The following RASA3 variants were observed in gnomAD, a reference collection of about 807,000 sequenced individuals.
RASA3 encodes the protein ras GTPase-activating protein 3.
RASA3 carries 73 observed loss-of-function variants against 110.0 expected under a neutral mutation model. The ratio of observed to expected loss-of-function variants is 0.66; its 90% CI spans 0.55 to 0.81. The LOEUF (loss-of-function observed/expected upper bound fraction) is 0.81, where lower values mean the gene tolerates loss of function less well. RASA3 is among the 30% of genes least tolerant of loss of function. The probability of loss-of-function intolerance (pLI) is 0.00; values close to 1 mark genes in which losing one functional copy is unlikely to be tolerated. For synonymous variants in RASA3, 500 were observed against 451.4 expected (o/e 1.11, Z -1.37); for missense variants, 976 against 1,113.2 (o/e 0.88, Z 1.75).
At chr13:114,132,083 G>A (rs2080527878) in intron 1 of RASA3, among the ~76,000 whole-genome samples, 1 of 152,222 alleles carries the variant, frequency 6.6e-6, no homozygotes, top group Non-Finnish European at 1.5e-5. Flanking sequence ...TCAGGCGCGC[G>A]CACTCCTGCA....
In RASA3 at chr13:114,015,321, C is replaced by T; in HGVS notation, c.1293G>A (p.Arg431=). 6.2e-7 allele frequency: 1 copy of T among 1,612,922 alleles called. No homozygotes were observed. The highest frequency in any genetic ancestry group is 1.1e-5 in the South Asian group (1 of 91,082). ...CGTGGAAGACGCGGTCCACATACTG[C>T]CGTAGGTTCTCCTGCAACGGGACAC... ...ENLENNMENL[R]QYVDRVFHAI... Residue 431 remains arginine, a synonymous_variant, in exon 14 of 24, where the codon CGG becomes CGA. Transcript: ENST00000334062.
At chr13:114,118,068 G>A (rs2080320048) in intron 1 of RASA3, among the ~76,000 whole-genome samples, 1 of 152,078 alleles carries the variant, frequency 6.6e-6, no homozygotes, top group Non-Finnish European at 1.5e-5. Context: ...TAATCTTCCC[G>A]AGCACAATAG....
chr13:114,001,008 C>A (rs550119187), intron 18 of RASA3, 76 bp from the exon 19 acceptor site: 2 of 925,802 alleles, frequency 2.2e-6, no homozygotes, highest in Non-Finnish European at 3.6e-6. Context: ...ACACCCCCCA[C>A]TTTCTGCGTT....
intron 3 of RASA3, among the ~76,000 whole-genome samples, chr13:114,051,737 C>G (rs576996011): frequency 2.4e-4 from 36 of 152,284 alleles, no homozygotes; most frequent in African/African-American, 8.2e-4. Context: ...AAGGTCCCCC[C>G]ACAGATGCCC....
rs1032870074 is a variant in RASA3, at chr13:114,048,053, C to G, written c.277+3999G>C. Reference sequence around the variant, plus strand: ...GGTCTCGGCCGGGCGCGGTGGCTCACGCCTGTAATCCCAGCACTTTGGGAG... The same window carrying G: ...GGTCTCGGCCGGGCGCGGTGGCTCAGGCCTGTAATCCCAGCACTTTGGGAG... On this transcript the variant is annotated intron_variant, in intron 3 of 23. Transcript: ENST00000334062. The surrounding 1 kb of genome is among the most constrained non-coding windows in gnomAD (Gnocchi z 4.3). Among the ~76,000 whole-genome samples, 2 of 152,188 alleles carry G rather than the reference C, an allele frequency of 1.3e-5. No homozygotes were observed. The highest frequency in any genetic ancestry group is 1.3e-4 in the Admixed American group (2 of 15,284).
chr13:114,015,142 G>A, intron 14 of RASA3, 67 bp downstream of exon 14: 2 of 1,589,862 alleles, frequency 1.3e-6, no homozygotes, highest in East Asian at 2.2e-5. Flanking sequence ...GTTCTGCCTG[G>A]GTGGGAGTCA....
Position 114,096,944 on chromosome 13 carries a change from TCTG to T in RASA3, c.56-23110_56-23108del, listed in dbSNP as rs1203430598. Among the ~76,000 whole-genome samples the T allele has an allele frequency of 6.6e-6, 1 of 152,198 alleles. No individual in the cohort carries two copies. The highest frequency in any genetic ancestry group is 1.5e-5 in the Non-Finnish European group (1 of 68,036). ...GTTCTCTCCGCCTGCAGTGCCCTCC[TCTG>T]TGTCTCAATCCTTCCCGTGCACCAG... On this transcript the variant is annotated intron_variant, in intron 1 of 23. Coordinates refer to ENST00000334062, the MANE Select transcript of RASA3 (RefSeq NM_007368.4). The surrounding 1 kb of genome is among the most constrained non-coding windows in gnomAD (Gnocchi z 5.1).
At chr13:114,111,881 G>C (rs2080224760) in intron 1 of RASA3, among the ~76,000 whole-genome samples, 1 of 152,198 alleles carries the variant, frequency 6.6e-6, no homozygotes, top group Admixed American at 6.5e-5. Flanking sequence ...AGGATCATCG[G>C]ATCCTGTGTC....
chr13:114,017,991 G>T, intron 11 of RASA3, 113 bp downstream of exon 11: 2 of 1,195,978 alleles, frequency 1.7e-6, no homozygotes, highest in Non-Finnish European at 2.2e-6. Flanking sequence ...TGGTTTCTGG[G>T]GACCCTTGAA....
intron 7 of RASA3, among the ~76,000 whole-genome samples, chr13:114,026,529 G>A (rs369581073): frequency 5.3e-4 from 81 of 152,274 alleles, no homozygotes; most frequent in African/African-American, 1.9e-3. Flanking sequence ...GGGCCCTTTC[G>A]AGCCTCAGCA....
At chr13:114,021,132 C>G (rs1054891423) in intron 9 of RASA3, among the ~76,000 whole-genome samples, 6 of 152,192 alleles carry the variant, frequency 3.9e-5, no homozygotes, top group Non-Finnish European at 8.8e-5. Flanking sequence ...CTTTCACCCA[C>G]GTTCCCTGTC....
intron 3 of RASA3, among the ~76,000 whole-genome samples, chr13:114,049,523 T>A (rs1006247766): frequency 6.6e-6 from 1 of 152,252 alleles, no homozygotes; most frequent in Non-Finnish European, 1.5e-5. Flanking sequence ...GTGCAAAAAT[T>A]TTTTAAATTT....
At chr13:114,016,375 C>T (rs2139290893) in intron 12 of RASA3, 104 bp from the exon 13 acceptor site, 1 of 904,080 alleles carries the variant, frequency 1.1e-6, no homozygotes, top group Non-Finnish European at 1.8e-6. Flanking sequence ...CCCTGAGCCT[C>T]ATCCAGAAAA....
intron 1 of RASA3, among the ~76,000 whole-genome samples, chr13:114,113,245 C>G (rs758743556): frequency 3.9e-5 from 6 of 152,230 alleles, no homozygotes; most frequent in Non-Finnish European, 8.8e-5. Context: ...CTCACAGGCA[C>G]CTCCTTCCAT....
At chr13:114,034,598 G>C (rs1255901238) in intron 4 of RASA3, among the ~76,000 whole-genome samples, 1 of 152,224 alleles carries the variant, frequency 6.6e-6, no homozygotes, top group Non-Finnish European at 1.5e-5. Context: ...TGATTCAGGA[G>C]TGGGAACAAA....
At position 113,996,569 on chromosome 13, in the gene RASA3, C is replaced by T. The variant is rs200637546; in HGVS notation, c.2103G>A (p.Ala701=). 127 of 1,613,056 alleles carry T rather than the reference C, an allele frequency of 7.9e-5. No individual in the cohort carries two copies. The highest frequency in any genetic ancestry group is 2.5e-4 in the African/African-American group (19 of 74,940). The change falls in exon 21 of 24, where the codon GCG becomes GCA. Residue 701 remains alanine, a synonymous_variant. Coordinates refer to ENST00000334062, the MANE Select transcript of RASA3 (RefSeq NM_007368.4). ...AGCAGCCCGGAGCCGAGTCGGATGG[C>T]GCCCTACAGCACAGCCAGTGGCCGC... The part of the protein sequence containing the change: ...YLSGHWLCCR[A]PSDSAPGCSP...
chr13:114,120,008 C>T (rs1471358982), intron 1 of RASA3, among the ~76,000 whole-genome samples: 2 of 68,120 alleles, frequency 2.9e-5, no homozygotes, highest in Non-Finnish European at 5.6e-5. Context: ...ATCAGGGCCC[C>T]CCCTCCTCTC....
chr13:114,114,682 G>C lies in RASA3; in HGVS notation c.55+17753C>G, dbSNP rs978098159. 4.6e-5 allele frequency among the ~76,000 whole-genome samples: 7 copies of C among 152,114 alleles called. No homozygotes were observed. Among genetic ancestry groups the C allele is most frequent in the African/African-American group, 1.4e-4 (6 of 41,422 alleles). ...AACTTGTTTTTCTTCATCCTTCGCCGACCTTTGTTTATGGGTAACCCTTGA... is the reference window on the plus strand; with the variant it reads ...AACTTGTTTTTCTTCATCCTTCGCCCACCTTTGTTTATGGGTAACCCTTGA... On this transcript the variant is annotated intron_variant, in intron 1 of 23. Transcript: ENST00000334062. The surrounding 1 kb of genome is among the most constrained non-coding windows in gnomAD (Gnocchi z 4.8).
chr13:114,000,386 TC>T (rs964072468), intron 19 of RASA3, among the ~76,000 whole-genome samples: 1 of 152,112 alleles, frequency 6.6e-6, no homozygotes, highest in Admixed American at 6.5e-5. Flanking sequence ...CAGAACATGT[TC>T]CCGTTCTGGG....
Sources: allele counts gnomAD v4.1 joint callset (sites outside exome capture counted in the v4.1 genomes callset), GRCh38; gene constraint gnomAD v4.1.1; non-coding constraint Gnocchi (gnomAD v3.1); transcripts MANE v1.5; gene names NCBI Gene and HGNC (gene_info 2026-07-23, HGNC 2026-07-21).